The following TRHDE variants were observed in gnomAD, a reference collection of about 807,000 sequenced individuals.
TRHDE encodes thyrotropin-releasing hormone-degrading ectoenzyme.
TRHDE carries 72 observed loss-of-function variants against 125.7 expected under a neutral mutation model. That is an observed-to-expected ratio of 0.57 (90% CI 0.47 to 0.70). TRHDE has a LOEUF of 0.70. TRHDE is among the 30% of genes least tolerant of loss of function. The pLI, the probability that TRHDE is intolerant of heterozygous loss-of-function variation, is 0.00. For missense variants in TRHDE, 1,110 were observed against 1,327.1 expected, an observed-to-expected ratio of 0.84 and a Z score of 2.54; for synonymous variants, 509 against 509.1, an observed-to-expected ratio of 1.00 and a Z score of 0.00.
At chr12:72,346,968 A>G (rs1870353741) in intron 2 of TRHDE, among the ~76,000 whole-genome samples, 1 of 152,020 alleles carries the variant, frequency 6.6e-6, no homozygotes, top group African/African-American at 2.4e-5. Flanking sequence ...GTAAGGCAGG[A>G]TAACTTCAGT....
chr12:72,460,085 G>T (rs1279725864), intron 3 of TRHDE, among the ~76,000 whole-genome samples: 1 of 152,134 alleles, frequency 6.6e-6, no homozygotes, highest in African/African-American at 2.4e-5. Flanking sequence ...CTTTTGCTCT[G>T]GAGAGCCTAC....
chr12:72,581,628 TTC>T (rs1367256674), intron 12 of TRHDE, among the ~76,000 whole-genome samples: 3 of 152,212 alleles, frequency 2.0e-5, no homozygotes, highest in African/African-American at 4.8e-5. Flanking sequence ...ATTTTTAAAA[TTC>T]TGTTATAGAC....
At chr12:72,520,220 GC>G (rs1159512381) in intron 6 of TRHDE, among the ~76,000 whole-genome samples, 2 of 152,218 alleles carry the variant, frequency 1.3e-5, no homozygotes, top group African/African-American at 4.8e-5. Context: ...CTGGGCAATG[GC>G]GGGCGCCCCT....
chr12:72,266,108 T>A (rs932750366), intron 2 of TRHDE, among the ~76,000 whole-genome samples: 1 of 152,026 alleles, frequency 6.6e-6, no homozygotes, highest in African/African-American at 2.4e-5. Flanking sequence ...TTTTAAGTGA[T>A]AAACAATATT....
intron 2 of TRHDE, among the ~76,000 whole-genome samples, chr12:72,188,085 T>C (rs1877263984): frequency 6.6e-6 from 1 of 152,250 alleles, no homozygotes; most frequent in African/African-American, 2.4e-5. Flanking sequence ...TAATTCCTGA[T>C]ATTGCTCTTC....
chr12:72,643,067 T>C (rs1166383274), intron 15 of TRHDE, among the ~76,000 whole-genome samples: 2 of 152,208 alleles, frequency 1.3e-5, no homozygotes, highest in Non-Finnish European at 2.9e-5. Context: ...GTTTCATTTA[T>C]AGGCATGAGT....
At chr12:72,566,041 T>C (rs1870426553) in intron 9 of TRHDE, among the ~76,000 whole-genome samples, 1 of 152,054 alleles carries the variant, frequency 6.6e-6, no homozygotes, top group Non-Finnish European at 1.5e-5. Context: ...ATGTTTAGGG[T>C]CTTCTAGTCT....
At chr12:72,257,814 TAAA>T (rs924785774) in intron 2 of TRHDE, 1 of 152,116 alleles carries the variant, frequency 6.6e-6, no homozygotes, top group African/African-American at 2.4e-5. Flanking sequence ...GTTTAGAAAA[TAAA>T]AAAGTTTAAA....
chr12:72,603,768 A>C (rs575152180), intron 12 of TRHDE, among the ~76,000 whole-genome samples: 19 of 152,116 alleles, frequency 1.2e-4, no homozygotes, highest in South Asian at 2.1e-4. Context: ...ACAACAACAA[A>C]AAAACAATGT....
At chr12:72,369,851 T>C (rs996689001) in intron 2 of TRHDE, among the ~76,000 whole-genome samples, 2 of 152,160 alleles carry the variant, frequency 1.3e-5, no homozygotes, top group Non-Finnish European at 2.9e-5. Flanking sequence ...GCTCTTATCA[T>C]GGAATGTCAG....
chr12:72,167,873 C>A (rs537395932), intron 2 of TRHDE, among the ~76,000 whole-genome samples: 4 of 152,222 alleles, frequency 2.6e-5, no homozygotes, highest in African/African-American at 7.2e-5. Flanking sequence ...GTTCAGAGGC[C>A]TAAGTATCTA....
intron 5 of TRHDE, 41 bp downstream of exon 5, chr12:72,473,221 C>T (rs369184144): frequency 6.1e-5 from 91 of 1,481,004 alleles, no homozygotes; most frequent in Non-Finnish European, 7.5e-5. Context: ...AGTAAAAGGC[C>T]GATCTAGTGT....
intron 3 of TRHDE, among the ~76,000 whole-genome samples, chr12:72,404,369 T>C (rs1372934381): frequency 6.6e-6 from 1 of 152,148 alleles, no homozygotes; most frequent in Non-Finnish European, 1.5e-5. Context: ...AGGCAGATGT[T>C]GCAGTGAGCT....
chr12:72,273,305 C>A lies in TRHDE; in HGVS notation c.662C>A (p.Ala221Asp). 2 of 1,613,898 alleles carry A rather than the reference C, an allele frequency of 1.2e-6. No homozygotes were observed. The highest frequency in any genetic ancestry group is 1.7e-6 in the Non-Finnish European group (2 of 1,179,978). Reference sequence around the variant, plus strand: ...AACGTGGAGATCGCGTGCCGGAACGCCACCCGCTACGTAGTGCTGCACGCT... The same window carrying A: ...AACGTGGAGATCGCGTGCCGGAACGACACCCGCTACGTAGTGCTGCACGCT... ...EVNVEIACRN[A>D]TRYVVLHASR... Residue 221 changes from alanine to aspartate, a missense_variant, in exon 1 of 19, where the codon GCC (alanine) becomes GAC (aspartate). This residue lies in a region of TRHDE where 72 missense variants were observed against 122.2 expected (regional missense o/e 0.59). Coordinates refer to ENST00000261180, the MANE Select transcript of TRHDE (RefSeq NM_013381.3). This position sits in a 1 kb window ranked among gnomAD's most constrained non-coding sequence, Gnocchi z 5.3.
At chr12:72,277,542 C>CT (rs549285844) in intron 1 of TRHDE, among the ~76,000 whole-genome samples, 2 of 152,060 alleles carry the variant, frequency 1.3e-5, no homozygotes, top group Non-Finnish European at 2.9e-5. Flanking sequence ...TCTGTAAAAA[C>CT]TTTTTTCTGT....
At chr12:72,300,668 C>T (rs375529942) in intron 2 of TRHDE, among the ~76,000 whole-genome samples, 2 of 151,568 alleles carry the variant, frequency 1.3e-5, no homozygotes, top group South Asian at 2.1e-4. Flanking sequence ...TGTATATACA[C>T]ACACACATAT....
intron 6 of TRHDE, among the ~76,000 whole-genome samples, chr12:72,515,916 T>G (rs1878828131): frequency 7.2e-6 from 1 of 139,018 alleles, no homozygotes; most frequent in Non-Finnish European, 1.5e-5. Flanking sequence ...CCCCATTGCT[T>G]GTTTTTCTCA....
At chr12:72,183,614 T>A (rs1185994507) in intron 2 of TRHDE, among the ~76,000 whole-genome samples, 2 of 152,202 alleles carry the variant, frequency 1.3e-5, no homozygotes, top group Non-Finnish European at 2.9e-5. Flanking sequence ...TTCATATGCA[T>A]CAACTTCATT....
intron 15 of TRHDE, among the ~76,000 whole-genome samples, chr12:72,626,418 A>T (rs1873260611): frequency 6.6e-6 from 1 of 152,016 alleles, no homozygotes; most frequent in South Asian, 2.1e-4. Context: ...TGTGAATTTT[A>T]AGTGGGGACA....
Sources: allele counts gnomAD v4.1 joint callset (sites outside exome capture counted in the v4.1 genomes callset), GRCh38; gene constraint gnomAD v4.1.1; regional missense constraint gnomAD v4.1.1; non-coding constraint Gnocchi (gnomAD v3.1); transcripts MANE v1.5; gene names NCBI Gene and HGNC (gene_info 2026-07-23, HGNC 2026-07-21).